XIRP2: variants seen among roughly 807,000 people sequenced by gnomAD.
XIRP2 encodes the protein xin actin binding repeat containing 2, also known as xin actin-binding repeat-containing protein 2.
In XIRP2, 236 loss-of-function variants were observed where a neutral mutation model predicts 277.0. The ratio of observed to expected loss-of-function variants is 0.85; its 90% confidence interval spans 0.77 to 0.95. XIRP2 has a LOEUF of 0.95. XIRP2 is among the 40% of genes least tolerant of loss of function. The probability of loss-of-function intolerance (pLI) is 0.00; values close to 1 mark genes in which losing one functional copy is unlikely to be tolerated. For missense variants in XIRP2, 4,640 were observed against 4,157.5 expected (o/e 1.12, Z -3.19); for synonymous variants, 1,490 against 1,416.5 (o/e 1.05, Z -1.17).
chr2:167,133,055 CTT>C (rs1339023917), intron 2 of XIRP2, among the ~76,000 whole-genome samples: 1 of 152,136 alleles, frequency 6.6e-6, no homozygotes, highest in Non-Finnish European at 1.5e-5. Flanking sequence ...TTTGAGAAAA[CTT>C]AGTCCTAGAA....
intron 2 of XIRP2, among the ~76,000 whole-genome samples, chr2:166,981,625 T>G (rs1273566924): frequency 6.6e-6 from 1 of 152,112 alleles, no homozygotes; most frequent in Non-Finnish European, 1.5e-5. Flanking sequence ...GGTCGCGAAC[T>G]CCTGAGCTCA....
chr2:167,117,715 A>G (rs1014103252), intron 2 of XIRP2, among the ~76,000 whole-genome samples: 3 of 152,326 alleles, frequency 2.0e-5, no homozygotes, highest in Admixed American at 1.3e-4. Context: ...GCTCATCCTC[A>G]TGTATGTGGG....
intron 2 of XIRP2, among the ~76,000 whole-genome samples, chr2:166,996,003 C>G (rs149112126): frequency 6.6e-6 from 1 of 152,048 alleles, no homozygotes; most frequent in Non-Finnish European, 1.5e-5. Flanking sequence ...TTCTTCTGCC[C>G]CTCCATTTAT....
intron 3 of XIRP2, among the ~76,000 whole-genome samples, chr2:167,159,035 A>G (rs1035806488): frequency 1.3e-5 from 2 of 152,320 alleles, no homozygotes; most frequent in East Asian, 3.9e-4. Flanking sequence ...CTCCAAGGCT[A>G]GGATTCAGGC....
chr2:166,938,689 G>T (rs187720489), intron 2 of XIRP2, among the ~76,000 whole-genome samples: 109 of 152,302 alleles, frequency 7.2e-4, no homozygotes, highest in African/African-American at 2.5e-3. Context: ...AATGTTGACA[G>T]TGGGGTTTTA....
intron 2 of XIRP2, among the ~76,000 whole-genome samples, chr2:166,961,196 GT>G (rs1368130978): frequency 4.6e-5 from 7 of 151,614 alleles, no homozygotes; most frequent in Non-Finnish European, 1.0e-4. Context: ...TGATTGAATC[GT>G]TTTGTATTGT....
rs552953351 is a variant in XIRP2 at position 167,154,535 on chromosome 2, G to A, written c.562+18473G>A. Among the ~76,000 whole-genome samples, 77 of 151,862 alleles carry A rather than the reference G, an allele frequency of 5.1e-4. 1 individual carries two copies. Among genetic ancestry groups the A allele is most frequent in the Admixed American group, 5.0e-3 (76 of 15,242 alleles). ...TAGGTTTTCTTCTAGGGTTTCTATG[G>A]TTTTAGGTCTAACATTTAAGTCTTT... On this transcript the variant is annotated intron_variant, in intron 3 of 10. Coordinates refer to ENST00000409195, the MANE Select transcript of XIRP2 (RefSeq NM_152381.6).
chr2:166,908,387 G>T (rs181692780), intron 2 of XIRP2, among the ~76,000 whole-genome samples: 1 of 152,162 alleles, frequency 6.6e-6, no homozygotes, highest in Non-Finnish European at 1.5e-5. Context: ...ATTTTTTCAT[G>T]TGTGTGTTGG....
intron 2 of XIRP2, among the ~76,000 whole-genome samples, chr2:166,974,475 A>G (rs1323179617): frequency 1.3e-5 from 2 of 152,114 alleles, no homozygotes; most frequent in East Asian, 3.9e-4. Flanking sequence ...ATATACACAT[A>G]TATACATCTA....
chr2:166,892,979 T>TACACACAC (rs572313151), intron 1 of XIRP2, among the ~76,000 whole-genome samples: 25,407 of 145,742 alleles, frequency 0.17, 2,525 homozygotes, highest in Admixed American at 0.25. Flanking sequence ...TATATATGTA[T>TACACACAC]ATACACACAC....
intron 2 of XIRP2, among the ~76,000 whole-genome samples, chr2:167,035,528 T>C (rs574372793): frequency 6.6e-6 from 1 of 152,304 alleles, no homozygotes; most frequent in East Asian, 1.9e-4. Context: ...TTAGGGTATC[T>C]GGTAGAAGAA....
At chr2:166,890,512 C>T (rs1684075529) in intron 1 of XIRP2, among the ~76,000 whole-genome samples, 1 of 152,136 alleles carries the variant, frequency 6.6e-6, no homozygotes, top group African/African-American at 2.4e-5. Flanking sequence ...GACTGTAAAT[C>T]CCTGAAGTCT....
chr2:167,246,153 A>G lies in XIRP2; in HGVS notation c.4761A>G (p.Leu1587=). The change falls in exon 9 of 11, where the codon CTA becomes CTG. Residue 1587 remains leucine (L), a synonymous_variant. Transcript: ENST00000409195. ...IGDVRMAKYK[L]MNQASPEIQK... ...ATGTTCGAATGGCAAAATACAAGCTAATGAACCAAGCATCTCCTGAGATAC... is the reference window on the plus strand; with the variant it reads ...ATGTTCGAATGGCAAAATACAAGCTGATGAACCAAGCATCTCCTGAGATAC... 6.2e-7 allele frequency: 1 copy of G among 1,612,870 alleles called. No homozygotes were observed. Among genetic ancestry groups the G allele is most frequent in the Non-Finnish European group, 8.5e-7 (1 of 1,179,628 alleles).
intron 3 of XIRP2, among the ~76,000 whole-genome samples, chr2:167,180,128 G>T (rs979413177): frequency 6.6e-6 from 1 of 152,126 alleles, no homozygotes; most frequent in East Asian, 1.9e-4. Flanking sequence ...AGAACTCTGA[G>T]ATCAGTTGTC....
At chr2:167,233,170 A>T (rs2105420074) in intron 5 of XIRP2, among the ~76,000 whole-genome samples, 1 of 152,108 alleles carries the variant, frequency 6.6e-6, no homozygotes. Flanking sequence ...TATAGAATGC[A>T]TTCTATGCAA....
intron 2 of XIRP2, among the ~76,000 whole-genome samples, chr2:166,933,366 T>A (rs1685403795): frequency 6.6e-6 from 1 of 151,988 alleles, no homozygotes; most frequent in African/African-American, 2.4e-5. Context: ...GCCAGGATGA[T>A]CTCGATCTCC....
At chr2:167,211,919 T>C (rs1225169302) in intron 4 of XIRP2, among the ~76,000 whole-genome samples, 1 of 152,206 alleles carries the variant, frequency 6.6e-6, no homozygotes, top group Non-Finnish European at 1.5e-5. Context: ...AATGTTCTTT[T>C]ATAATTATAA....
At chr2:166,930,610 T>C (rs1409900044) in intron 2 of XIRP2, among the ~76,000 whole-genome samples, 1 of 152,174 alleles carries the variant, frequency 6.6e-6, no homozygotes, top group African/African-American at 2.4e-5. Context: ...GTTGGATTGA[T>C]CGGTTTTGAA....
intron 2 of XIRP2, among the ~76,000 whole-genome samples, chr2:167,033,021 G>T (rs1485480252): frequency 1.3e-5 from 2 of 152,018 alleles, no homozygotes; most frequent in Non-Finnish European, 2.9e-5. Context: ...ACTATTTACT[G>T]TAGCAAAGAC....
Sources: gnomAD v4.1 joint callset for allele counts (sites outside exome capture counted in the v4.1 genomes callset) on GRCh38, gnomAD v4.1.1 for gene constraint, MANE v1.5 for transcripts, NCBI Gene and HGNC (gene_info 2026-07-23, HGNC 2026-07-21) for gene names.